TMEM70: variants seen among roughly 807,000 people sequenced by gnomAD.
TMEM70 encodes the protein transmembrane protein 70, mitochondrial.
TMEM70 carries 15 observed loss-of-function variants against 20.5 expected under a neutral mutation model. That is an observed-to-expected ratio of 0.73 (90% CI 0.49 to 1.13). The LOEUF is 1.13. TMEM70 is among the 50% of genes most tolerant of loss of function. The pLI is 0.00. For missense variants in TMEM70, 344 were observed against 331.7 expected, an observed-to-expected ratio of 1.04 and a Z score of -0.29; for synonymous variants, 141 against 134.2, an observed-to-expected ratio of 1.05 and a Z score of -0.35.
Position 73,981,800 on chromosome 8 carries a change from TGTA to T in TMEM70, c.*183_*185del, listed in dbSNP as rs762465117. ...AACAAGCTATGTTTGAAAACCAAAA[TGTA>T]GTATCTACCATTCGTGTTTTAGAAA... On this transcript the variant is annotated 3_prime_UTR_variant, in exon 3 of 3. Coordinates refer to ENST00000312184, the MANE Select transcript of TMEM70 (RefSeq NM_017866.6). 6.8e-5 allele frequency: 47 copies of T among 694,342 alleles called. No individual in the cohort carries two copies. The highest frequency in any genetic ancestry group is 1.1e-4 in the Non-Finnish European group (42 of 384,438). 43.0% of individuals were successfully genotyped at this position (694,342 alleles called of 1,614,324 possible).
chr8:73,979,007 G>A (rs746002287), intron 2 of TMEM70, 146 bp downstream of exon 2: 141 of 990,618 alleles, frequency 1.4e-4, no homozygotes, highest in African/African-American at 3.3e-4. Context: ...TTCTTGAGGT[G>A]TGTTGATAAG....
chr8:73,978,330 GC>G (rs1272328721), intron 1 of TMEM70, among the ~76,000 whole-genome samples: 15 of 149,382 alleles, frequency 1.0e-4, no homozygotes, highest in South Asian at 2.2e-4. Context: ...CAAGTGATCC[GC>G]CCCCCTCGGC....
rs773463491 is a variant in TMEM70, at chr8:73,982,095, G to C, written c.*474G>C. 12 of 477,678 alleles carry C rather than the reference G, an allele frequency of 2.5e-5. No individual in the cohort carries two copies. Among genetic ancestry groups the C allele is most frequent in the Non-Finnish European group, 4.6e-5 (11 of 239,652 alleles). The allele number at this position is 477,678 out of a possible 1,614,324, so 29.6% of individuals were successfully genotyped here. ...TGTTGCCTGAGGACCAAGTCTGTCA[G>C]GAAGCTGGCTAGGAAGCCTTGCAGC... On this transcript the variant is annotated 3_prime_UTR_variant, in exon 3 of 3. Coordinates refer to ENST00000312184, the MANE Select transcript of TMEM70 (RefSeq NM_017866.6).
rs746912984 is a variant in TMEM70, at chr8:73,982,255, A to G, written c.*634A>G. 1 of 594,084 alleles carries G rather than the reference A, an allele frequency of 1.7e-6. No individual in the cohort carries two copies. The highest frequency in any genetic ancestry group is 1.4e-5 in the South Asian group (1 of 72,834). 36.8% of individuals were successfully genotyped at this position (594,084 alleles called of 1,614,324 possible). The stretch of plus-strand genomic sequence containing the variant: ...TGTGCTGACTTGATCTGAGGAGCAA[A>G]GGAAAAGAATCAGTGAAAGGACCAG... On this transcript the variant is annotated 3_prime_UTR_variant, in exon 3 of 3. Transcript: ENST00000312184.
rs568315430 is a variant in TMEM70 at position 73,977,082 on chromosome 8, G to T, written c.210+591G>T. 4.6e-5 allele frequency among the ~76,000 whole-genome samples: 7 copies of T among 152,326 alleles called. No individual in the cohort carries two copies. In the East Asian group the frequency reaches 1.3e-3, roughly 29 times the overall value. ...ATTTCAGCATTGAGGAATTAGGCAT[G>T]CCTTTTACATTTTGAAGTGTATACA... On this transcript the variant is annotated intron_variant, in intron 1 of 2. Transcript: ENST00000312184.
In TMEM70 at chr8:73,976,378, C is replaced by A. The variant is rs145329086; in HGVS notation, c.97C>A (p.Arg33=). 135 of 1,596,344 alleles carry A rather than the reference C, an allele frequency of 8.5e-5. No homozygotes were observed. The African/African-American group carries it at 1.7e-3, about 20-fold the overall frequency. ...LCAAAALRGP[R]ASVSRASSSS... ...TGCGGCCGCCGCGCTCCGAGGTCCC[C>A]GGGCCTCTGTCTCCCGGGCGTCCTC... Residue 33 remains arginine, a synonymous_variant, in exon 1 of 3, where the codon CGG becomes AGG. Transcript: ENST00000312184.
At position 73,976,348 on chromosome 8, in the gene TMEM70, T is replaced by G. The variant is rs1175563560; in HGVS notation, c.67T>G (p.Leu23Val). The G allele has an allele frequency of 6.3e-7, 1 of 1,599,956 alleles. No individual in the cohort carries two copies. Among genetic ancestry groups the G allele is most frequent in the Admixed American group, 1.7e-5 (1 of 59,946 alleles). ...GCCTCTCTGCGGAAGGAGGACTGCA[T>G]TGTGTGCGGCCGCCGCGCTCCGAGG... The part of the protein sequence containing the change: ...ELPLCGRRTA[L>V]CAAAALRGPR... Residue 23 changes from leucine to valine, a missense_variant, in exon 1 of 3, where the codon TTG becomes GTG. Physicochemically the swap from Leu to Val is conservative, Grantham distance 32. Transcript: ENST00000312184.
chr8:73,977,850 TGTC>T (rs1382131013), intron 1 of TMEM70, among the ~76,000 whole-genome samples: 1 of 152,182 alleles, frequency 6.6e-6, no homozygotes, highest in Non-Finnish European at 1.5e-5. Context: ...ATGGAAATGA[TGTC>T]GTCATTAACA....
chr8:73,978,737 A>G lies in TMEM70; in HGVS notation c.211-19A>G, dbSNP rs1283222145. The G allele has an allele frequency of 3.7e-6, 6 of 1,613,524 alleles. No individual in the cohort carries two copies. In the African/African-American group the frequency reaches 5.3e-5, roughly 14 times the overall value. On this transcript the variant is annotated intron_variant, in intron 1 of 2. Transcript: ENST00000312184. Reference sequence around the variant, plus strand: ...AATTTAAGAAGGTTAGTTGACCATAATGATCCCTGTTTCAATAGATCCCTG... The same window carrying G: ...AATTTAAGAAGGTTAGTTGACCATAGTGATCCCTGTTTCAATAGATCCCTG...
intron 1 of TMEM70, 142 bp from the exon 2 acceptor site, chr8:73,978,614 C>T (rs986449699): frequency 6.3e-5 from 50 of 789,374 alleles, no homozygotes; most frequent in East Asian, 3.9e-4. Flanking sequence ...TGCTTGAACC[C>T]GGGAAGCAGA....
rs1815649369 is a variant in TMEM70, at chr8:73,976,427, T to C, written c.146T>C (p.Val49Ala). 6.3e-7 allele frequency: 1 copy of C among 1,575,366 alleles called. No individual in the cohort carries two copies. Among genetic ancestry groups the C allele is most frequent in the East Asian group, 2.3e-5 (1 of 43,650 alleles). The change falls in exon 1 of 3, where the codon GTA becomes GCA. Residue 49 changes from valine to alanine, a missense_variant. By Grantham distance (64) the Val-to-Ala change is moderately conservative. Coordinates refer to ENST00000312184, the MANE Select transcript of TMEM70 (RefSeq NM_017866.6). ...TCCAGCAGCGGGCCTTCGGGGCCGG[T>C]AGCCGGCTGGAGTACGGGGCCTTCG... ...ASSSSGPSGP[V>A]AGWSTGPSGA...
Position 73,981,681 on chromosome 8 carries a change from T to C in TMEM70, c.*60T>C, listed in dbSNP as rs747706367. The C allele has an allele frequency of 8.2e-7, 1 of 1,223,120 alleles. No individual in the cohort carries two copies. The highest frequency in any genetic ancestry group is 1.5e-5 in the African/African-American group (1 of 65,270). 75.8% of individuals were successfully genotyped at this position (1,223,120 alleles called of 1,614,324 possible). ...TACGTTTTAATGTATAATAATAAAA[T>C]TGCCTTTTGCATTCCGTTAGTGACT... On this transcript the variant is annotated 3_prime_UTR_variant, in exon 3 of 3. Coordinates refer to ENST00000312184, the MANE Select transcript of TMEM70 (RefSeq NM_017866.6).
rs754919816 is a variant in TMEM70 at position 73,981,709 on chromosome 8, T to C, written c.*88T>C. The C allele has an allele frequency of 8.0e-6, 7 of 872,644 alleles. No homozygotes were observed. The highest frequency in any genetic ancestry group is 1.7e-5 in the African/African-American group (1 of 59,304). The allele number at this position is 872,644 out of a possible 1,614,324, so 54.1% of individuals were successfully genotyped here. A position where few individuals can be genotyped will look rare whatever the true frequency, so the allele number is the denominator to read the frequency against. ...CCTTTTGCATTCCGTTAGTGACTGA[T>C]TGTTAAAAATAATTTGAAATTATCA... is the stretch of plus-strand genomic sequence containing the variant. On this transcript the variant is annotated 3_prime_UTR_variant, in exon 3 of 3. Coordinates refer to ENST00000312184, the MANE Select transcript of TMEM70 (RefSeq NM_017866.6).
At chr8:73,981,116 T>C in intron 2 of TMEM70, 39 bp from the exon 3 acceptor site, 1 of 1,529,320 alleles carries the variant, frequency 6.5e-7, no homozygotes, top group South Asian at 1.1e-5. Context: ...TTTTATAAAA[T>C]TTAAAAGTAT....
Position 73,982,470 on chromosome 8 carries a change from CT to C in TMEM70, c.*851del. 1 of 740,800 alleles carries C rather than the reference CT, an allele frequency of 1.3e-6. No individual in the cohort carries two copies. Among genetic ancestry groups the C allele is most frequent in the Non-Finnish European group, 2.4e-6 (1 of 425,358 alleles). 45.9% of individuals were successfully genotyped at this position (740,800 alleles called of 1,614,324 possible). On this transcript the variant is annotated 3_prime_UTR_variant, in exon 3 of 3. Transcript: ENST00000312184. ...GAGATGGAAGTCACCATTGCAAATG[CT>C]TAAGTCAACTGTTTTCATAAATTGA...
intron 1 of TMEM70, 37 bp from the exon 2 acceptor site, chr8:73,978,719 G>A (rs1204386397): frequency 6.2e-7 from 1 of 1,608,242 alleles, no homozygotes; most frequent in Non-Finnish European, 8.5e-7. Context: ...AAAAATTTAA[G>A]AAGGTTAGTT....
chr8:73,980,642 A>G (rs1335556976), intron 2 of TMEM70, among the ~76,000 whole-genome samples: 2 of 152,220 alleles, frequency 1.3e-5, no homozygotes, highest in Non-Finnish European at 2.9e-5. Context: ...TGCTGGGATT[A>G]CAGGCATGAG....
intron 1 of TMEM70, among the ~76,000 whole-genome samples, chr8:73,977,780 G>A (rs1815689438): frequency 6.6e-6 from 1 of 152,100 alleles, no homozygotes; most frequent in African/African-American, 2.4e-5. Flanking sequence ...GGCTATAGAC[G>A]TGTTCCATTA....
intron 2 of TMEM70, among the ~76,000 whole-genome samples, chr8:73,980,510 G>C (rs1263003501): frequency 6.6e-6 from 1 of 152,100 alleles, no homozygotes; most frequent in East Asian, 1.9e-4. Context: ...GGGATTACAA[G>C]CACTTGCCAC....
Sources: gnomAD v4.1 joint callset for allele counts (sites outside exome capture counted in the v4.1 genomes callset) on GRCh38, gnomAD v4.1.1 for gene constraint, MANE v1.5 for transcripts, NCBI Gene and HGNC (gene_info 2026-07-23, HGNC 2026-07-21) for gene names.